SNX10: variants seen among roughly 807,000 people sequenced by gnomAD.
The protein encoded by SNX10 is sorting nexin 10, also known as sorting nexin-10.
In SNX10, 25 loss-of-function variants were observed where a neutral mutation model predicts 28.5. The observed-to-expected ratio is 0.88, with a 90% confidence interval of 0.64 to 1.22. SNX10 has a LOEUF of 1.22. Ranked by LOEUF, SNX10 falls within the 50% of genes most tolerant of loss-of-function variation. The pLI, the probability that SNX10 is intolerant of heterozygous loss-of-function variation, is 0.00. For missense variants in SNX10, 223 were observed against 242.6 expected (o/e 0.92, Z 0.54); for synonymous variants, 62 against 81.4 (o/e 0.76, Z 1.28).
intron 5 of SNX10, among the ~76,000 whole-genome samples, chr7:26,369,132 T>C (rs190339330): frequency 1.7e-4 from 26 of 152,356 alleles, no homozygotes; most frequent in Admixed American, 7.2e-4. Flanking sequence ...AGAAATTCTT[T>C]TAAAATCCTA....
At chr7:26,335,834 T>C (rs887675659) in intron 1 of SNX10, among the ~76,000 whole-genome samples, 2 of 143,620 alleles carry the variant, frequency 1.4e-5, no homozygotes, top group Non-Finnish European at 3.0e-5. Context: ...AGCTCCGCCT[T>C]CCGGGTTCAC....
chr7:26,313,220 A>G (rs1006362795), intron 1 of SNX10, among the ~76,000 whole-genome samples: 1 of 152,246 alleles, frequency 6.6e-6, no homozygotes, highest in East Asian at 1.9e-4. Flanking sequence ...TTTTAAAAAA[A>G]GAACATTTTA....
intron 1 of SNX10, among the ~76,000 whole-genome samples, chr7:26,342,028 C>CTTTTTTT (rs35337348): frequency 1.8e-5 from 2 of 111,652 alleles, no homozygotes; most frequent in African/African-American, 6.6e-5. Flanking sequence ...TTTCTTCTTT[C>CTTTTTTT]TTTTTTTTTT....
intron 1 of SNX10, among the ~76,000 whole-genome samples, chr7:26,331,646 A>G (rs1468201449): frequency 6.6e-6 from 1 of 152,234 alleles, no homozygotes; most frequent in African/African-American, 2.4e-5. Flanking sequence ...GGTGTTTGGT[A>G]TATTCACAGA....
intron 2 of SNX10, among the ~76,000 whole-genome samples, chr7:26,359,688 G>A (rs1194374622): frequency 3.3e-5 from 5 of 149,758 alleles, no homozygotes; most frequent in Admixed American, 6.6e-5. Context: ...TTTTTGAGAC[G>A]GAGACTTGCT....
chr7:26,292,495 G>T (rs1350336494), intron 1 of SNX10, among the ~76,000 whole-genome samples: 1 of 152,126 alleles, frequency 6.6e-6, no homozygotes, highest in Non-Finnish European at 1.5e-5. Flanking sequence ...TTAACGGGTA[G>T]CCTTGAGTTG....
At position 26,291,999 on chromosome 7, in the gene SNX10, C is replaced by G. The variant is rs1415103202; in HGVS notation, c.-111C>G. On this transcript the variant is annotated 5_prime_UTR_variant, in exon 1 of 7. Transcript: ENST00000338523. ...TCCTGGGCGCTCGCCGCCGCCGCTG[C>G]CGCCGCGCGCCTTTGAGTCAGCAAA... The G allele has an allele frequency of 2.0e-5, 3 of 149,484 alleles. No homozygotes were observed. Among genetic ancestry groups the G allele is most frequent in the Non-Finnish European group, 4.5e-5 (3 of 67,160 alleles). 9.3% of individuals were successfully genotyped at this position (149,484 alleles called of 1,614,324 possible).
At chr7:26,304,142 T>G (rs557599190) in intron 1 of SNX10, among the ~76,000 whole-genome samples, 1 of 152,282 alleles carries the variant, frequency 6.6e-6, no homozygotes, top group African/African-American at 2.4e-5. Context: ...GAAACTTGGC[T>G]TCTGTAGCCT....
chr7:26,300,036 C>T (rs1257040029), intron 1 of SNX10, among the ~76,000 whole-genome samples: 1 of 151,930 alleles, frequency 6.6e-6, no homozygotes. Flanking sequence ...CATGGTGAAA[C>T]CCTATCTCTA....
intron 2 of SNX10, among the ~76,000 whole-genome samples, chr7:26,353,177 C>T (rs993887704): frequency 6.6e-6 from 1 of 152,208 alleles, no homozygotes; most frequent in Non-Finnish European, 1.5e-5. Context: ...AAAAAATCAT[C>T]ATTCAGTACC....
At chr7:26,301,283 G>T (rs1323145230) in intron 1 of SNX10, among the ~76,000 whole-genome samples, 1 of 152,150 alleles carries the variant, frequency 6.6e-6, no homozygotes, top group Non-Finnish European at 1.5e-5. Context: ...AAGGTGGCTG[G>T]CAAGGCAGAA....
chr7:26,325,735 T>TA (rs934701595), intron 1 of SNX10, among the ~76,000 whole-genome samples: 17 of 151,768 alleles, frequency 1.1e-4, no homozygotes, highest in Non-Finnish European at 2.5e-4. Flanking sequence ...TTAGAGATTT[T>TA]TTTTTTTTTT....
chr7:26,355,905 A>T (rs1788799892), intron 2 of SNX10, among the ~76,000 whole-genome samples: 1 of 152,218 alleles, frequency 6.6e-6, no homozygotes, highest in South Asian at 2.1e-4. Flanking sequence ...CATTTAAAAA[A>T]TCTGTAAAGT....
At chr7:26,330,527 G>T (rs1787702235) in intron 1 of SNX10, among the ~76,000 whole-genome samples, 1 of 152,122 alleles carries the variant, frequency 6.6e-6, no homozygotes, top group Non-Finnish European at 1.5e-5. Context: ...GTGTGAATTG[G>T]GGCATTTGCA....
At chr7:26,346,356 G>C in intron 1 of SNX10, 64 bp from the exon 2 acceptor site, 1 of 986,690 alleles carries the variant, frequency 1.0e-6, no homozygotes, top group Non-Finnish European at 1.6e-6. Flanking sequence ...GGGAGGCCAT[G>C]AGTGGTGTAT....
At position 26,316,193 on chromosome 7, in the gene SNX10, A is replaced by C. The variant is rs187230184; in HGVS notation, c.-24+24107A>C. On this transcript the variant is annotated intron_variant, in intron 1 of 6. Transcript: ENST00000338523. The stretch of plus-strand genomic sequence containing the variant: ...AGCGAGACTGTCTCAAAAAAAAAAA[A>C]AAAACAAAAAACCTAGAGTAAAAAA... 9.7e-3 allele frequency among the ~76,000 whole-genome samples: 1,475 copies of C among 152,030 alleles called. 24 individuals are homozygous for C. The highest frequency in any genetic ancestry group is 0.033 in the African/African-American group (1,348 of 41,442).
intron 2 of SNX10, among the ~76,000 whole-genome samples, chr7:26,359,727 G>A (rs1031806510): frequency 1.1e-4 from 16 of 150,934 alleles, no homozygotes; most frequent in African/African-American, 3.7e-4. Flanking sequence ...GCAGTGATGC[G>A]ATCTCGGCTC....
chr7:26,342,812 T>C (rs1294164176), intron 1 of SNX10, among the ~76,000 whole-genome samples: 5 of 152,108 alleles, frequency 3.3e-5, no homozygotes, highest in African/African-American at 4.8e-5. Context: ...TTTTTTATTT[T>C]CTTTTTTATA....
intron 5 of SNX10, among the ~76,000 whole-genome samples, chr7:26,366,425 T>C (rs1310179186): frequency 1.3e-5 from 2 of 152,182 alleles, no homozygotes; most frequent in African/African-American, 2.4e-5. Context: ...GGAATAAACA[T>C]GGCAAGAGAC....
Sources: allele counts gnomAD v4.1 joint callset (sites outside exome capture counted in the v4.1 genomes callset), GRCh38; gene constraint gnomAD v4.1.1; transcripts MANE v1.5; gene names NCBI Gene and HGNC (gene_info 2026-07-23, HGNC 2026-07-21).